The following ULK4 variants were observed in gnomAD, a reference collection of about 807,000 sequenced individuals.
ULK4 encodes the protein unc-51 like kinase 4, also known as inactive serine/threonine-protein kinase ULK4.
In ULK4, 133 loss-of-function variants were observed where a neutral mutation model predicts 160.6. The observed-to-expected ratio is 0.83, with a 90% confidence interval of 0.72 to 0.96. ULK4 has a LOEUF of 0.96. Among genes scored for constraint, ULK4 ranks in the 40% least tolerant of loss-of-function variants. The pLI is 0.00. For synonymous variants in ULK4, 534 were observed against 539.8 expected, an observed-to-expected ratio of 0.99 and a Z score of 0.15; for missense variants, 1,580 against 1,499.5, an observed-to-expected ratio of 1.05 and a Z score of -0.89.
chr3:41,298,694 G>T (rs772895201), intron 35 of ULK4, among the ~76,000 whole-genome samples: 3 of 152,138 alleles, frequency 2.0e-5, no homozygotes, highest in Non-Finnish European at 4.4e-5. Context: ...ATATTTAGGG[G>T]ATCCTCAAGT....
chr3:41,488,493 T>C (rs552991184), intron 32 of ULK4, among the ~76,000 whole-genome samples: 1 of 152,222 alleles, frequency 6.6e-6, no homozygotes, highest in African/African-American at 2.4e-5. Context: ...CATACGCTTC[T>C]GCATTAGTTG....
At chr3:41,868,965 CTTA>C (rs947853843) in intron 17 of ULK4, 1 of 151,952 alleles carries the variant, frequency 6.6e-6, no homozygotes, top group Non-Finnish European at 1.5e-5. Flanking sequence ...CCTTTCCTGA[CTTA>C]TTATTCCTGA....
At chr3:41,638,935 T>C (rs979197858) in intron 30 of ULK4, among the ~76,000 whole-genome samples, 1 of 152,200 alleles carries the variant, frequency 6.6e-6, no homozygotes, top group African/African-American at 2.4e-5. Flanking sequence ...AAAAAAGAAT[T>C]CACAGCACAA....
In ULK4 at chr3:41,661,527, GATAAATAGATAGATAA is replaced by G. The variant is rs1343782151; in HGVS notation, c.3071+2064_3071+2079del. 1.3e-3 allele frequency among the ~76,000 whole-genome samples: 203 copies of G among 150,926 alleles called. 2 individuals are homozygous for G. Among genetic ancestry groups the G allele is most frequent in the African/African-American group, 4.8e-3 (197 of 40,718 alleles). ...TAGATAGATGATAGATAGATAGATA[GATAAATAGATAGATAA>G]ATAGATAGATAATAGACAGACAGAC... On this transcript the variant is annotated intron_variant, in intron 30 of 36. Coordinates refer to ENST00000301831, the MANE Select transcript of ULK4 (RefSeq NM_017886.4).
intron 35 of ULK4, among the ~76,000 whole-genome samples, chr3:41,306,402 T>C (rs1228084340): frequency 1.0e-4 from 14 of 136,532 alleles, no homozygotes; most frequent in African/African-American, 4.2e-4. Flanking sequence ...GAGGGGCGCC[T>C]CTGCCCGGCC....
At chr3:41,553,767 A>G (rs1245592357) in intron 32 of ULK4, among the ~76,000 whole-genome samples, 3 of 138,738 alleles carry the variant, frequency 2.2e-5, no homozygotes, top group Non-Finnish European at 4.9e-5. Flanking sequence ...AATGCATAAT[A>G]ACCACGTCAG....
chr3:41,681,429 C>T, intron 29 of ULK4, 79 bp downstream of exon 29: 1 of 1,579,118 alleles, frequency 6.3e-7, no homozygotes, highest in East Asian at 2.2e-5. Context: ...GACCCCAACC[C>T]CATCACTGAA....
At chr3:41,792,552 C>T (rs1322790131) in intron 20 of ULK4, among the ~76,000 whole-genome samples, 2 of 152,114 alleles carry the variant, frequency 1.3e-5, no homozygotes, top group African/African-American at 4.8e-5. Flanking sequence ...CACTGCAAAA[C>T]CAACTTCCCA....
At position 41,787,255 on chromosome 3, in the gene ULK4, C is replaced by A. The variant is rs116065542; in HGVS notation, c.2193+2406G>T. 7.4e-3 allele frequency among the ~76,000 whole-genome samples: 1,120 copies of A among 152,240 alleles called. 10 individuals are homozygous for A. The highest frequency in any genetic ancestry group is 0.026 in the African/African-American group (1,075 of 41,532). ...AGCTGGGGCTTTCATCCCAACCCAACGACAGAAAGTCCTCCACCATGCTGT... is the reference window on the plus strand; with the variant it reads ...AGCTGGGGCTTTCATCCCAACCCAAAGACAGAAAGTCCTCCACCATGCTGT... On this transcript the variant is annotated intron_variant, in intron 21 of 36. Coordinates refer to ENST00000301831, the MANE Select transcript of ULK4 (RefSeq NM_017886.4).
chr3:41,817,700 G>C (rs2041017497), intron 19 of ULK4, among the ~76,000 whole-genome samples: 1 of 152,120 alleles, frequency 6.6e-6, no homozygotes, highest in Non-Finnish European at 1.5e-5. Context: ...GACAGGATCA[G>C]TCATAACCCC....
At chr3:41,620,060 C>G (rs1174090440) in intron 30 of ULK4, among the ~76,000 whole-genome samples, 5 of 152,018 alleles carry the variant, frequency 3.3e-5, no homozygotes. Context: ...AAGACTAAAC[C>G]ATGAAGAACT....
chr3:41,794,676 A>AAAAAAAAAAAAAAAAAAAC (rs2040247842), intron 20 of ULK4, among the ~76,000 whole-genome samples: 1 of 131,400 alleles, frequency 7.6e-6, no homozygotes, highest in Non-Finnish European at 1.6e-5. Context: ...AAAAAAAAAA[A>AAAAAAAAAAAAAAAAAAAC]AAAAAAAAAA....
At chr3:41,721,625 C>T (rs1020805533) in intron 22 of ULK4, among the ~76,000 whole-genome samples, 4 of 151,742 alleles carry the variant, frequency 2.6e-5, no homozygotes, top group African/African-American at 7.3e-5. Flanking sequence ...CTCAGCCTCC[C>T]AAAGTGCTGG....
At chr3:41,613,190 T>C (rs543351809) in intron 31 of ULK4, among the ~76,000 whole-genome samples, 1 of 152,190 alleles carries the variant, frequency 6.6e-6, no homozygotes, top group Non-Finnish European at 1.5e-5. Context: ...AATTGAAATA[T>C]ATACTGCTTC....
intron 35 of ULK4, among the ~76,000 whole-genome samples, chr3:41,265,430 A>G (rs889147392): frequency 2.6e-5 from 4 of 152,186 alleles, no homozygotes; most frequent in Non-Finnish European, 5.9e-5. Flanking sequence ...ACTTCACCTC[A>G]TACTTCTGTG....
rs368415802 is a variant in ULK4, at chr3:41,865,243, C to T, written c.1656+18631G>A. On this transcript the variant is annotated intron_variant, in intron 17 of 36. Coordinates refer to ENST00000301831, the MANE Select transcript of ULK4 (RefSeq NM_017886.4). ...AACCGATCACGCCACTGCACTCCAGCCTGGGCAACAGAGCAAGACTCTGTC... is the reference window on the plus strand; with the variant it reads ...AACCGATCACGCCACTGCACTCCAGTCTGGGCAACAGAGCAAGACTCTGTC... Among the ~76,000 whole-genome samples the T allele has an allele frequency of 5.5e-5, 7 of 127,828 alleles. No homozygotes were observed. In the East Asian group the frequency reaches 1.6e-3, roughly 29 times the overall value. The allele number at this position is 127,828 out of a possible 152,430, so 83.9% of individuals were successfully genotyped here.
intron 32 of ULK4, among the ~76,000 whole-genome samples, chr3:41,485,122 A>G (rs1362498155): frequency 2.0e-5 from 3 of 152,216 alleles, no homozygotes; most frequent in African/African-American, 4.8e-5. Flanking sequence ...CATTTCACAG[A>G]TGACGAAACT....
chr3:41,901,945 T>C (rs1698382319), intron 12 of ULK4, among the ~76,000 whole-genome samples: 1 of 152,162 alleles, frequency 6.6e-6, no homozygotes, highest in Non-Finnish European at 1.5e-5. Flanking sequence ...TTAGAGTTGA[T>C]ACATAATGAA....
chr3:41,392,066 G>A (rs1243988201), intron 35 of ULK4, among the ~76,000 whole-genome samples: 1 of 152,088 alleles, frequency 6.6e-6, no homozygotes, highest in East Asian at 1.9e-4. Context: ...GAGTGTTGGA[G>A]TAAGCTAGCT....
Sources: gnomAD v4.1 joint callset for allele counts (sites outside exome capture counted in the v4.1 genomes callset) on GRCh38, gnomAD v4.1.1 for gene constraint, MANE v1.5 for transcripts, NCBI Gene and HGNC (gene_info 2026-07-23, HGNC 2026-07-21) for gene names.